ST8SIA1: variants seen among roughly 807,000 people sequenced by gnomAD.
The protein encoded by ST8SIA1 is alpha-N-acetylneuraminide alpha-2,8-sialyltransferase.
ST8SIA1 carries 16 observed loss-of-function variants against 35.9 expected under a neutral mutation model. The ratio of observed to expected loss-of-function variants is 0.45; its 90% CI spans 0.30 to 0.68. The LOEUF (loss-of-function observed/expected upper bound fraction) is 0.68. Among genes scored for constraint, ST8SIA1 ranks in the 30% least tolerant of loss-of-function variants. The pLI, the probability that ST8SIA1 is intolerant of heterozygous loss-of-function variation, is 0.09. For synonymous variants in ST8SIA1, 170 were observed against 169.6 expected (o/e 1.00, Z -0.02); for missense variants, 383 against 453.6 (o/e 0.84, Z 1.41).
chr12:22,310,978 T>C (rs1866441883), intron 1 of ST8SIA1, among the ~76,000 whole-genome samples: 2 of 152,122 alleles, frequency 1.3e-5, no homozygotes, highest in South Asian at 2.1e-4. Flanking sequence ...ATAGAAGAAC[T>C]GATGAGGTCA....
At chr12:22,318,823 C>T (rs569028821) in intron 1 of ST8SIA1, among the ~76,000 whole-genome samples, 1 of 152,356 alleles carries the variant, frequency 6.6e-6, no homozygotes, top group East Asian at 1.9e-4. Context: ...CAGGCTTTGA[C>T]TTGAAGCCCT....
chr12:22,225,720 C>T (rs1361744455), intron 4 of ST8SIA1, among the ~76,000 whole-genome samples: 3 of 152,162 alleles, frequency 2.0e-5, no homozygotes, highest in Non-Finnish European at 4.4e-5. Context: ...TCAGCGTTCA[C>T]CCCATAAAAA....
In ST8SIA1 at chr12:22,219,067, C is replaced by A. The variant is rs145784461; in HGVS notation, c.585-17029G>T. ...TTTATGACAAAGAACTTGGCTATGC[C>A]CTCTCTATACTCTAATTTAAAACAA... On this transcript the variant is annotated intron_variant, in intron 4 of 4. Coordinates refer to ENST00000396037, the MANE Select transcript of ST8SIA1 (RefSeq NM_003034.4). Among the ~76,000 whole-genome samples, 887 of 151,942 alleles carry A rather than the reference C, an allele frequency of 5.8e-3. 7 individuals are homozygous for A. Among genetic ancestry groups the A allele is most frequent in the African/African-American group, 0.02 (828 of 41,446 alleles).
At chr12:22,308,176 T>C (rs983927523) in intron 1 of ST8SIA1, among the ~76,000 whole-genome samples, 2 of 152,228 alleles carry the variant, frequency 1.3e-5, no homozygotes, top group Non-Finnish European at 2.9e-5. Flanking sequence ...TTTCATCTTA[T>C]ATGTTTTTAT....
At chr12:22,256,442 C>T (rs540067395) in intron 2 of ST8SIA1, among the ~76,000 whole-genome samples, 4 of 152,296 alleles carry the variant, frequency 2.6e-5, no homozygotes, top group South Asian at 2.1e-4. Context: ...GCTGAAACGA[C>T]GCAGAGCAGC....
At chr12:22,215,381 T>C (rs952399184) in intron 4 of ST8SIA1, among the ~76,000 whole-genome samples, 1 of 152,196 alleles carries the variant, frequency 6.6e-6, no homozygotes, top group African/African-American at 2.4e-5. Context: ...CACTGAGGGA[T>C]GTAGCAATGA....
chr12:22,278,093 T>C (rs7963388), intron 2 of ST8SIA1, among the ~76,000 whole-genome samples: 14,146 of 152,222 alleles, frequency 0.093, 808 homozygotes, highest in East Asian at 0.15. Context: ...TTTACTTACA[T>C]AGAATCATGA....
At position 22,325,498 on chromosome 12, in the gene ST8SIA1, C is replaced by A. The variant is rs1389950843; in HGVS notation, c.236+8499G>T. 8.6e-6 allele frequency: 6 copies of A among 701,560 alleles called. No individual in the cohort carries two copies. In the East Asian group the frequency reaches 1.6e-4, roughly 19 times the overall value. 43.5% of individuals were successfully genotyped at this position (701,560 alleles called of 1,614,324 possible). A position where few individuals can be genotyped will look rare whatever the true frequency, so the allele number is the denominator to read the frequency against. On this transcript the variant is annotated intron_variant, in intron 1 of 4. Transcript: ENST00000396037. ...CAACAGAAAGGGATAAAAATCGATT[C>A]CTTCAAAACTCATTATCATTATCCA...
intron 4 of ST8SIA1, among the ~76,000 whole-genome samples, chr12:22,203,972 C>T (rs111272425): frequency 1.5e-4 from 23 of 152,284 alleles, no homozygotes; most frequent in African/African-American, 5.3e-4. Flanking sequence ...TAATCTGACA[C>T]AGGTGGGACA....
At chr12:22,290,602 C>T (rs1866162383) in intron 1 of ST8SIA1, among the ~76,000 whole-genome samples, 1 of 152,152 alleles carries the variant, frequency 6.6e-6, no homozygotes, top group Admixed American at 6.5e-5. Context: ...GAGATGTGCA[C>T]AGACATCTGT....
chr12:22,209,198 G>A (rs955798090), intron 4 of ST8SIA1, among the ~76,000 whole-genome samples: 1 of 152,056 alleles, frequency 6.6e-6, no homozygotes, highest in African/African-American at 2.4e-5. Flanking sequence ...CATGACAAGG[G>A]ATTAGTATCA....
rs139487597 is a variant in ST8SIA1 at position 22,245,861 on chromosome 12, C to A, written c.584+3145G>T. Among the ~76,000 whole-genome samples the A allele has an allele frequency of 1.6e-4, 25 of 152,274 alleles. No homozygotes were observed. The East Asian group carries it at 3.9e-3, about 24-fold the overall frequency. On this transcript the variant is annotated intron_variant, in intron 4 of 4. Coordinates refer to ENST00000396037, the MANE Select transcript of ST8SIA1 (RefSeq NM_003034.4). ...TCATCAATCACGCCTGCTAATGAAG[C>A]CTCCATAAAAACCTGAAAGGACAGG... is the stretch of plus-strand genomic sequence containing the variant.
chr12:22,277,368 T>C (rs1865981634), intron 2 of ST8SIA1, among the ~76,000 whole-genome samples: 1 of 98,512 alleles, frequency 1.0e-5, no homozygotes, highest in African/African-American at 4.5e-5. Flanking sequence ...ATAGTGAACT[T>C]TTTTTTTTTT....
chr12:22,230,791 G>A (rs1448770556), intron 4 of ST8SIA1, among the ~76,000 whole-genome samples: 1 of 152,174 alleles, frequency 6.6e-6, no homozygotes, highest in Non-Finnish European at 1.5e-5. Context: ...GGGGGACGGG[G>A]CTCTTGGAAC....
intron 4 of ST8SIA1, chr12:22,223,544 T>C (rs954445027): frequency 1.9e-6 from 2 of 1,046,336 alleles, no homozygotes; most frequent in African/African-American, 3.5e-5. Flanking sequence ...CTGAACTGGG[T>C]TAAATGAGGA....
At chr12:22,289,524 G>C (rs1223541851) in intron 1 of ST8SIA1, among the ~76,000 whole-genome samples, 1 of 152,206 alleles carries the variant, frequency 6.6e-6, no homozygotes, top group African/African-American at 2.4e-5. Flanking sequence ...AGTACACCAG[G>C]TGCCTTCATA....
intron 4 of ST8SIA1, among the ~76,000 whole-genome samples, chr12:22,241,475 G>A (rs577584817): frequency 6.6e-6 from 1 of 152,130 alleles, no homozygotes; most frequent in African/African-American, 2.4e-5. Context: ...CTTCTGCCAT[G>A]ATTGTGAGTA....
intron 3 of ST8SIA1, among the ~76,000 whole-genome samples, chr12:22,249,335 C>T (rs565039292): frequency 6.6e-6 from 1 of 151,492 alleles, no homozygotes; most frequent in Admixed American, 6.6e-5. Context: ...TCTCCTGCCT[C>T]AGCCTCCCGA....
At chr12:22,240,103 T>C (rs1865523008) in intron 4 of ST8SIA1, among the ~76,000 whole-genome samples, 1 of 152,176 alleles carries the variant, frequency 6.6e-6, no homozygotes, top group East Asian at 1.9e-4. Context: ...TCCTCTTGAG[T>C]AGCTAATTTG....
Sources: allele counts gnomAD v4.1 joint callset (sites outside exome capture counted in the v4.1 genomes callset), GRCh38; gene constraint gnomAD v4.1.1; transcripts MANE v1.5; gene names NCBI Gene and HGNC (gene_info 2026-07-23, HGNC 2026-07-21).